PLAAT3: variants seen among roughly 807,000 people sequenced by gnomAD.
The protein encoded by PLAAT3 is phospholipase A and acyltransferase 3.
In PLAAT3, 21 loss-of-function variants were observed where a neutral mutation model predicts 16.7. That is an observed-to-expected ratio of 1.26 (90% CI 0.89 to 1.81). The LOEUF is 1.81. Among genes scored for constraint, PLAAT3 ranks in the 40% most tolerant of loss-of-function variants. PLAAT3 has a pLI of 0.00. For synonymous variants in PLAAT3, 76 were observed against 81.7 expected (o/e 0.93, Z 0.38); for missense variants, 219 against 213.7 (o/e 1.02, Z -0.16).
At position 63,589,409 on chromosome 11, in the gene PLAAT3, C is replaced by CAA. The variant is rs748851566; in HGVS notation, c.387+689_387+690dup. Among the ~76,000 whole-genome samples, 101 of 30,646 alleles carry CAA rather than the reference C, an allele frequency of 3.3e-3. 9 individuals are homozygous for CAA. Among genetic ancestry groups the CAA allele is most frequent in the African/African-American group, 5.5e-3 (56 of 10,152 alleles). The allele number at this position is 30,646 out of a possible 152,430, so 20.1% of individuals were successfully genotyped here. A position where few individuals can be genotyped will look rare whatever the true frequency, so the allele number is the denominator to read the frequency against. On this transcript the variant is annotated intron_variant, in intron 4 of 4. Coordinates refer to ENST00000415826, the MANE Select transcript of PLAAT3 (RefSeq NM_001128203.2). ...CTTCCCAATGTTCTTTTCACCTATGCAAAGAAAAAAAAAAAAAAAAAGATG... is the reference window on the plus strand; with the variant it reads ...CTTCCCAATGTTCTTTTCACCTATGCAAAAAGAAAAAAAAAAAAAAAAAGATG...
chr11:63,578,767 C>A (rs543627560), intron 4 of PLAAT3, among the ~76,000 whole-genome samples: 357 of 151,576 alleles, frequency 2.4e-3, no homozygotes, highest in Non-Finnish European at 4.2e-3. Context: ...ACCATAAAAA[C>A]CCTAGAAGAA....
chr11:63,595,854 A>G (rs573709020), intron 3 of PLAAT3, among the ~76,000 whole-genome samples: 9 of 152,318 alleles, frequency 5.9e-5, no homozygotes, highest in African/African-American at 2.2e-4. Flanking sequence ...TTTGCAAAAA[A>G]GGAAATCAAG....
At chr11:63,591,238 C>T (rs182247552) in intron 3 of PLAAT3, among the ~76,000 whole-genome samples, 2 of 152,164 alleles carry the variant, frequency 1.3e-5, no homozygotes, top group African/African-American at 2.4e-5. Context: ...AAAAACTAGC[C>T]GTGTATGGTG....
upstream of PLAAT3, among the ~76,000 whole-genome samples, chr11:63,615,961 C>T (rs575388929): frequency 6.6e-6 from 1 of 152,264 alleles, no homozygotes; most frequent in African/African-American, 2.4e-5. Flanking sequence ...AGCCACCACT[C>T]GGCCCATTTT....
chr11:63,598,003 A>C, intron 3 of PLAAT3, 58 bp downstream of exon 3: 1 of 1,136,216 alleles, frequency 8.8e-7, no homozygotes, highest in South Asian at 1.2e-5. Context: ...ACAGTTCCCC[A>C]TCCCCTCTCT....
Position 63,601,581 on chromosome 11 carries a change from G to A in PLAAT3, c.16-3418C>T, listed in dbSNP as rs78758925. ...ATGGAGCCCTACACACTAGTTAGGA[G>A]CAAGGGTTTGATGGTCACTTGGCAA... On this transcript the variant is annotated intron_variant, in intron 2 of 4. Transcript: ENST00000415826. Among the ~76,000 whole-genome samples the A allele has an allele frequency of 8.0e-3, 1,215 of 152,252 alleles. 13 individuals are homozygous for A. Among genetic ancestry groups the A allele is most frequent in the African/African-American group, 0.027 (1,132 of 41,558 alleles).
At chr11:63,600,419 T>C (rs1165694601) in intron 2 of PLAAT3, among the ~76,000 whole-genome samples, 1 of 152,160 alleles carries the variant, frequency 6.6e-6, no homozygotes, top group East Asian at 1.9e-4. Flanking sequence ...AGCCACATAC[T>C]GTATGATTCC....
At chr11:63,589,719 G>A (rs1398009245) in intron 4 of PLAAT3, among the ~76,000 whole-genome samples, 2 of 152,120 alleles carry the variant, frequency 1.3e-5, no homozygotes, top group Non-Finnish European at 2.9e-5. Flanking sequence ...TTTTTTTGAT[G>A]AAATGAATGG....
intron 2 of PLAAT3, among the ~76,000 whole-genome samples, chr11:63,611,559 T>A (rs1938693799): frequency 1.3e-5 from 2 of 152,212 alleles, no homozygotes. Context: ...GACTCAGCCA[T>A]AAGTTCTGTT....
chr11:63,604,012 C>T (rs960415608), intron 2 of PLAAT3, among the ~76,000 whole-genome samples: 4 of 152,110 alleles, frequency 2.6e-5, no homozygotes, highest in Non-Finnish European at 5.9e-5. Context: ...ATTAGCTGGG[C>T]ATAGTGGCAC....
chr11:63,576,283 C>A (rs571441611), intron 4 of PLAAT3, among the ~76,000 whole-genome samples: 1 of 152,176 alleles, frequency 6.6e-6, no homozygotes, highest in African/African-American at 2.4e-5. Context: ...AGCAAACCCC[C>A]ACTTTTTTTT....
At chr11:63,591,818 C>A (rs1438234813) in intron 3 of PLAAT3, among the ~76,000 whole-genome samples, 2 of 152,228 alleles carry the variant, frequency 1.3e-5, no homozygotes, top group African/African-American at 4.8e-5. Flanking sequence ...GCTCCTGGGG[C>A]CCACCCAGCC....
intron 2 of PLAAT3, among the ~76,000 whole-genome samples, chr11:63,600,751 T>C (rs1938405758): frequency 6.6e-6 from 1 of 151,766 alleles, no homozygotes; most frequent in Non-Finnish European, 1.5e-5. Flanking sequence ...TACAGGCGTA[T>C]GCCACCACGC....
chr11:63,604,663 T>G (rs1440495467), intron 2 of PLAAT3, among the ~76,000 whole-genome samples: 1 of 152,018 alleles, frequency 6.6e-6, no homozygotes, highest in Non-Finnish European at 1.5e-5. Context: ...CTCAGGAGGC[T>G]GAGGCTGGAG....
At chr11:63,590,721 T>A (rs1448091002) in intron 3 of PLAAT3, among the ~76,000 whole-genome samples, 1 of 152,222 alleles carries the variant, frequency 6.6e-6, no homozygotes, top group Admixed American at 6.5e-5. Context: ...GAGACTTTTA[T>A]GATGGCATCA....
intron 4 of PLAAT3, among the ~76,000 whole-genome samples, chr11:63,579,006 G>T (rs1013212925): frequency 3.9e-5 from 6 of 152,040 alleles, no homozygotes; most frequent in Non-Finnish European, 7.4e-5. Context: ...AATCTACAAT[G>T]AACTCAAACA....
intron 3 of PLAAT3, among the ~76,000 whole-genome samples, chr11:63,595,862 A>C (rs777429173): frequency 1.2e-4 from 18 of 152,176 alleles, no homozygotes; most frequent in Non-Finnish European, 2.4e-4. Context: ...AAAGGAAATC[A>C]AGGCTGAAGA....
intron 4 of PLAAT3, 29 bp downstream of exon 4, chr11:63,590,070 TG>T: frequency 6.2e-7 from 1 of 1,603,758 alleles, no homozygotes; most frequent in Non-Finnish European, 8.5e-7. Flanking sequence ...GTCTGGTTCC[TG>T]GGGAAGGCGA....
At chr11:63,591,833 C>T (rs1322382306) in intron 3 of PLAAT3, among the ~76,000 whole-genome samples, 1 of 152,240 alleles carries the variant, frequency 6.6e-6, no homozygotes, top group Non-Finnish European at 1.5e-5. Flanking sequence ...CCAGCCTCAG[C>T]TCCCAGGCAA....
Sources: allele counts gnomAD v4.1 joint callset (sites outside exome capture counted in the v4.1 genomes callset), GRCh38; gene constraint gnomAD v4.1.1; transcripts MANE v1.5; gene names NCBI Gene and HGNC (gene_info 2026-07-23, HGNC 2026-07-21).